Variants in CNTN5 observed in about 807,000 individuals in gnomAD.
The protein encoded by CNTN5 is contactin 5.
A neutral mutation model predicts 129.1 loss-of-function variants in CNTN5; 77 were observed. The ratio of observed to expected loss-of-function variants is 0.60; its 90% confidence interval spans 0.50 to 0.72. The LOEUF is 0.72. CNTN5 is among the 30% of genes least tolerant of loss of function. The pLI is 0.00. For synonymous variants in CNTN5, 509 were observed against 465.6 expected, an observed-to-expected ratio of 1.09 and a Z score of -1.20; for missense variants, 1,478 against 1,328.8, an observed-to-expected ratio of 1.11 and a Z score of -1.75.
rs141533037 is a variant in CNTN5, at chr11:100,339,139, G to A, written c.2731-1324G>A. 3.3e-4 allele frequency among the ~76,000 whole-genome samples: 50 copies of A among 152,262 alleles called. 2 individuals carry two copies. The East Asian group carries it at 9.1e-3, about 28-fold the overall frequency. On this transcript the variant is annotated intron_variant, in intron 21 of 24. Transcript: ENST00000524871. ...TTAGTTCTGCCATCCATGGACAGCTGTGTGTTAGCAGCTCAGTTGACCCCT... is the reference window on the plus strand; with the variant it reads ...TTAGTTCTGCCATCCATGGACAGCTATGTGTTAGCAGCTCAGTTGACCCCT...
At chr11:99,725,285 G>A (rs917781510) in intron 3 of CNTN5, among the ~76,000 whole-genome samples, 8 of 152,054 alleles carry the variant, frequency 5.3e-5, no homozygotes, top group Admixed American at 2.0e-4. Context: ...GAAATTATGC[G>A]TAGGTATGGA....
chr11:99,633,770 A>G (rs1296198451), intron 3 of CNTN5, among the ~76,000 whole-genome samples: 1 of 152,202 alleles, frequency 6.6e-6, no homozygotes, highest in African/African-American at 2.4e-5. Flanking sequence ...TTGTTTGTTT[A>G]AGGTTTCACA....
intron 21 of CNTN5, among the ~76,000 whole-genome samples, chr11:100,320,046 T>C (rs891860806): frequency 9.2e-5 from 14 of 152,222 alleles, no homozygotes; most frequent in African/African-American, 2.7e-4. Context: ...TTTGACATAC[T>C]GATTTCATTT....
intron 1 of CNTN5, among the ~76,000 whole-genome samples, chr11:99,198,661 T>C (rs1158593483): frequency 6.6e-6 from 1 of 152,212 alleles, no homozygotes; most frequent in African/African-American, 2.4e-5. Flanking sequence ...TTGTGTATTA[T>C]ATATAAAATA....
chr11:99,784,704 T>A (rs1223246863), intron 3 of CNTN5, among the ~76,000 whole-genome samples: 1 of 152,054 alleles, frequency 6.6e-6, no homozygotes, highest in African/African-American at 2.4e-5. Context: ...TGTAAAAGCA[T>A]TCCAATTTCT....
chr11:99,790,008 T>G (rs1404578371), intron 3 of CNTN5, among the ~76,000 whole-genome samples: 2 of 152,018 alleles, frequency 1.3e-5, no homozygotes, highest in Non-Finnish European at 2.9e-5. Flanking sequence ...AGCTCCCACT[T>G]ATAAGTAAGA....
intron 4 of CNTN5, among the ~76,000 whole-genome samples, chr11:99,826,114 A>G (rs1452878782): frequency 6.6e-6 from 1 of 152,076 alleles, no homozygotes; most frequent in Non-Finnish European, 1.5e-5. Flanking sequence ...AGTGTATTTT[A>G]TCTGGGATAA....
At chr11:99,430,031 G>C (rs1346828318) in intron 2 of CNTN5, among the ~76,000 whole-genome samples, 1 of 152,038 alleles carries the variant, frequency 6.6e-6, no homozygotes, top group African/African-American at 2.4e-5. Flanking sequence ...TTAGACCTGA[G>C]AAGAATTCAC....
intron 3 of CNTN5, among the ~76,000 whole-genome samples, chr11:99,678,193 A>G (rs1261812915): frequency 1.3e-5 from 2 of 152,124 alleles, no homozygotes; most frequent in African/African-American, 4.8e-5. Flanking sequence ...CTCAATATTC[A>G]GCGAATTTCT....
intron 7 of CNTN5, among the ~76,000 whole-genome samples, chr11:99,937,796 AC>A (rs1385046730): frequency 6.6e-6 from 1 of 152,164 alleles, no homozygotes; most frequent in East Asian, 1.9e-4. Context: ...CCAGTGGAAA[AC>A]CGAGAGTCCT....
intron 1 of CNTN5, among the ~76,000 whole-genome samples, chr11:99,122,184 A>G (rs1858375303): frequency 6.6e-6 from 1 of 151,896 alleles, no homozygotes; most frequent in Non-Finnish European, 1.5e-5. Context: ...TATAGATCTA[A>G]TTTATTTTCT....
rs545213470 is a variant in CNTN5 at position 100,002,996 on chromosome 11, C to T, written c.980+860C>T. Among the ~76,000 whole-genome samples, 4 of 151,992 alleles carry T rather than the reference C, an allele frequency of 2.6e-5. 1 individual carries two copies. The highest frequency in any genetic ancestry group is 7.2e-5 in the African/African-American group (3 of 41,474). On this transcript the variant is annotated intron_variant, in intron 9 of 24. Transcript: ENST00000524871. ...AACTATAAAGTACTCGGAGATAAAG[C>T]CAGATACACAAGTGTGATTATTAAA... is the stretch of plus-strand genomic sequence containing the variant.
chr11:99,729,897 G>C (rs1339685953), intron 3 of CNTN5, among the ~76,000 whole-genome samples: 1 of 152,090 alleles, frequency 6.6e-6, no homozygotes, highest in African/African-American at 2.4e-5. Flanking sequence ...GGGGCCTGTG[G>C]GGGTGGTGGT....
intron 2 of CNTN5, among the ~76,000 whole-genome samples, chr11:99,388,813 G>C (rs1941073100): frequency 6.6e-6 from 1 of 151,952 alleles, no homozygotes; most frequent in Non-Finnish European, 1.5e-5. Context: ...TTCTATGATA[G>C]GAACAGATTT....
At chr11:99,672,887 A>G (rs75253483) in intron 3 of CNTN5, among the ~76,000 whole-genome samples, 1,605 of 152,162 alleles carry the variant, frequency 0.011, 32 homozygotes, top group African/African-American at 0.035. Flanking sequence ...GAAAAGAAAA[A>G]AAGTGGAAGG....
chr11:99,032,611 G>T (rs190408346), intron 1 of CNTN5, among the ~76,000 whole-genome samples: 1 of 152,186 alleles, frequency 6.6e-6, no homozygotes, highest in African/African-American at 2.4e-5. Context: ...TTTTGATGGG[G>T]TTGTTTGTTT....
intron 6 of CNTN5, among the ~76,000 whole-genome samples, chr11:99,889,467 TAAAA>T (rs1005418759): frequency 6.7e-6 from 1 of 149,434 alleles, no homozygotes. Flanking sequence ...TCTGTACCAT[TAAAA>T]AAAAGTCCAA....
At chr11:99,608,218 A>T (rs962951145) in intron 3 of CNTN5, among the ~76,000 whole-genome samples, 8 of 152,132 alleles carry the variant, frequency 5.3e-5, no homozygotes, top group Non-Finnish European at 1.2e-4. Context: ...TTTAATAAAT[A>T]TGTGTTGTCC....
chr11:99,181,116 T>C (rs952013449), intron 1 of CNTN5, among the ~76,000 whole-genome samples: 1 of 151,692 alleles, frequency 6.6e-6, no homozygotes, highest in Non-Finnish European at 1.5e-5. Flanking sequence ...CACCAGGGGG[T>C]CTGGTGCATT....
Sources: allele counts gnomAD v4.1 joint callset (sites outside exome capture counted in the v4.1 genomes callset), GRCh38; gene constraint gnomAD v4.1.1; transcripts MANE v1.5; gene names NCBI Gene and HGNC (gene_info 2026-07-23, HGNC 2026-07-21).